The following SPIDR variants were observed in gnomAD, a reference collection of about 807,000 sequenced individuals.
The protein encoded by SPIDR is DNA repair-scaffolding protein.
Under a neutral mutation model 104.6 loss-of-function variants are expected in SPIDR, and 93 were observed. The ratio of observed to expected loss-of-function variants is 0.89; its 90% CI spans 0.75 to 1.06. The LOEUF (loss-of-function observed/expected upper bound fraction) is 1.06, where lower values mean the gene tolerates loss of function less well. Ranked by LOEUF, SPIDR falls within the 50% of genes least tolerant of loss-of-function variation. The pLI is 0.00. For missense variants in SPIDR, 1,154 were observed against 1,111.2 expected, an observed-to-expected ratio of 1.04 and a Z score of -0.55; for synonymous variants, 431 against 416.9, an observed-to-expected ratio of 1.03 and a Z score of -0.41.
rs2031941541 is a variant in SPIDR at position 47,260,943 on chromosome 8, G to A, written c.-16G>A. 1 of 1,228,218 alleles carries A rather than the reference G, an allele frequency of 8.1e-7. No individual in the cohort carries two copies. Among genetic ancestry groups the A allele is most frequent in the Admixed American group, 4.3e-5 (1 of 23,398 alleles). 76.1% of individuals were successfully genotyped at this position (1,228,218 alleles called of 1,614,324 possible). A position where few individuals can be genotyped will look rare whatever the true frequency, so the allele number is the denominator to read the frequency against. ...GCGCGCTGAGGAGGCGGTGCGCTCA[G>A]GCGGCGCTCCCGGAGATGCCCCGCG... is the stretch of plus-strand genomic sequence containing the variant. On this transcript the variant is annotated 5_prime_UTR_variant, in exon 1 of 20. Coordinates refer to ENST00000297423, the MANE Select transcript of SPIDR (RefSeq NM_001080394.4).
At chr8:47,695,178 GC>G (rs1265553805) in intron 11 of SPIDR, among the ~76,000 whole-genome samples, 5 of 151,998 alleles carry the variant, frequency 3.3e-5, no homozygotes, top group Non-Finnish European at 7.4e-5. Flanking sequence ...AACAGTTTTG[GC>G]CTTGTAGGCT....
intron 1 of SPIDR, among the ~76,000 whole-genome samples, chr8:47,276,585 A>G (rs1471200516): frequency 6.6e-6 from 1 of 152,264 alleles, no homozygotes; most frequent in African/African-American, 2.4e-5. Flanking sequence ...GAAGAAAAAA[A>G]TAATCAAAGG....
chr8:47,635,397 A>T (rs2067742813), intron 10 of SPIDR, among the ~76,000 whole-genome samples: 1 of 152,214 alleles, frequency 6.6e-6, no homozygotes, highest in African/African-American at 2.4e-5. Context: ...AAACAATGAA[A>T]GGATAAATGC....
intron 5 of SPIDR, among the ~76,000 whole-genome samples, chr8:47,320,118 A>G (rs2046258174): frequency 6.6e-6 from 1 of 152,222 alleles, no homozygotes; most frequent in Non-Finnish European, 1.5e-5. Flanking sequence ...TGAAGGAAAT[A>G]GAGACATAAA....
chr8:47,510,603 AC>A (rs1169259205), intron 8 of SPIDR, among the ~76,000 whole-genome samples: 42 of 152,148 alleles, frequency 2.8e-4, no homozygotes, highest in African/African-American at 9.9e-4. Flanking sequence ...CAAAAAAAAA[AC>A]AAAATGTTGT....
intron 16 of SPIDR, among the ~76,000 whole-genome samples, chr8:47,718,778 C>T (rs1222568007): frequency 1.3e-5 from 2 of 151,502 alleles, no homozygotes; most frequent in Middle Eastern, 3.2e-3. Context: ...TTTTTTTCCC[C>T]TCAACTTTTA....
chr8:47,320,588 C>G (rs1345544094), intron 5 of SPIDR, among the ~76,000 whole-genome samples: 1 of 152,218 alleles, frequency 6.6e-6, no homozygotes, highest in Non-Finnish European at 1.5e-5. Context: ...TCCTCCCTAA[C>G]TCATTTTATG....
chr8:47,324,123 T>C (rs1018500576), intron 5 of SPIDR, among the ~76,000 whole-genome samples: 2 of 151,124 alleles, frequency 1.3e-5, no homozygotes, highest in Non-Finnish European at 3.0e-5. Flanking sequence ...CTTATGAAAT[T>C]AAGTCTTTAT....
chr8:47,674,498 TA>T (rs916242525), intron 11 of SPIDR, among the ~76,000 whole-genome samples: 3 of 151,890 alleles, frequency 2.0e-5, no homozygotes, highest in African/African-American at 7.3e-5. Context: ...ATCTATGAAT[TA>T]GGGGGAAAAA....
intron 13 of SPIDR, 33 bp downstream of exon 13, chr8:47,701,897 T>C: frequency 6.2e-7 from 1 of 1,614,142 alleles, no homozygotes; most frequent in Admixed American, 1.7e-5. Flanking sequence ...GTTTTTTAGG[T>C]ATTGGCCACG....
At chr8:47,406,490 G>T (rs1554667350) in intron 6 of SPIDR, among the ~76,000 whole-genome samples, 1 of 152,218 alleles carries the variant, frequency 6.6e-6, no homozygotes, top group African/African-American at 2.4e-5. Context: ...TTGACATGTA[G>T]AGGTGCTATG....
intron 5 of SPIDR, among the ~76,000 whole-genome samples, chr8:47,369,058 A>G (rs1554636896): frequency 6.6e-6 from 1 of 152,226 alleles, no homozygotes; most frequent in African/African-American, 2.4e-5. Context: ...TTTATTACAT[A>G]GAAACTAGAA....
At chr8:47,300,417 G>C (rs1052498347) in intron 5 of SPIDR, among the ~76,000 whole-genome samples, 1 of 152,062 alleles carries the variant, frequency 6.6e-6, no homozygotes, top group Non-Finnish European at 1.5e-5. Flanking sequence ...TGGATTCATT[G>C]ATTTTTTTGA....
chr8:47,273,931 T>A (rs1001031207), intron 1 of SPIDR, among the ~76,000 whole-genome samples: 1 of 152,162 alleles, frequency 6.6e-6, no homozygotes, highest in African/African-American at 2.4e-5. Flanking sequence ...AGCCTCCTCC[T>A]TTCTCAGAGG....
At chr8:47,704,546 C>G (rs1022109427) in intron 14 of SPIDR, among the ~76,000 whole-genome samples, 3 of 152,216 alleles carry the variant, frequency 2.0e-5, no homozygotes, top group Non-Finnish European at 4.4e-5. Flanking sequence ...ACCCCCACCC[C>G]CAACCACATG....
At chr8:47,263,866 A>G (rs1410134910) in intron 1 of SPIDR, among the ~76,000 whole-genome samples, 1 of 152,174 alleles carries the variant, frequency 6.6e-6, no homozygotes, top group African/African-American at 2.4e-5. Flanking sequence ...TTACTATTCC[A>G]TGTCTTACAT....
chr8:47,492,131 G>T (rs1179594422), intron 8 of SPIDR, among the ~76,000 whole-genome samples: 3 of 152,058 alleles, frequency 2.0e-5, no homozygotes, highest in Non-Finnish European at 4.4e-5. Context: ...TGCTACATGT[G>T]AAAAAGCTGG....
chr8:47,448,226 T>C (rs782587389), intron 8 of SPIDR, among the ~76,000 whole-genome samples: 1 of 152,158 alleles, frequency 6.6e-6, no homozygotes, highest in Non-Finnish European at 1.5e-5. Flanking sequence ...AATTCAAAAA[T>C]TTTTTTACTA....
At position 47,427,591 on chromosome 8, in the gene SPIDR, A is replaced by G. The variant is rs576666505; in HGVS notation, c.878-12732A>G. ...TGACAGGCTTGGTATGTAATCTCCA[A>G]TACTTCTGCACCCTCCTTGTTACCT... On this transcript the variant is annotated intron_variant, in intron 7 of 19. Transcript: ENST00000297423. 2.2e-3 allele frequency among the ~76,000 whole-genome samples: 333 copies of G among 152,298 alleles called. 1 individual carries two copies. Among genetic ancestry groups the G allele is most frequent in the Non-Finnish European group, 3.4e-3 (232 of 68,012 alleles).
Sources: gnomAD v4.1 joint callset for allele counts (sites outside exome capture counted in the v4.1 genomes callset) on GRCh38, gnomAD v4.1.1 for gene constraint, MANE v1.5 for transcripts, NCBI Gene and HGNC (gene_info 2026-07-23, HGNC 2026-07-21) for gene names.